The following ASH1L variants were observed in gnomAD, a reference collection of about 807,000 sequenced individuals.
ASH1L encodes ASH1 like histone lysine methyltransferase, also known as histone-lysine N-methyltransferase ASH1L.
Under a neutral mutation model 269.0 loss-of-function variants are expected in ASH1L, and 23 were observed. That is an observed-to-expected ratio of 0.09 (90% CI 0.06 to 0.12). The LOEUF (loss-of-function observed/expected upper bound fraction) is 0.12. Ranked by LOEUF, ASH1L falls within the 10% of genes least tolerant of loss-of-function variation. The pLI is 1.00. For missense variants in ASH1L, 2,912 were observed against 3,567.8 expected, an observed-to-expected ratio of 0.82 and a Z score of 4.68; for synonymous variants, 1,187 against 1,253.5, an observed-to-expected ratio of 0.95 and a Z score of 1.12.
chr1:155,562,262 C>T lies in ASH1L; in HGVS notation c.-209G>A, dbSNP rs538225945. ...TCCCTGGGTCCACGGCGGATCCCTC[C>T]CGCTTGTCAGGAGGCGGCCAGCGGG... On this transcript the variant is annotated 5_prime_UTR_variant, in exon 1 of 28. Transcript: ENST00000392403. 9.7e-5 allele frequency: 156 copies of T among 1,610,232 alleles called. 2 individuals are homozygous for T. In the South Asian group the frequency reaches 1.1e-3, roughly 11 times the overall value.
intron 10 of ASH1L, among the ~76,000 whole-genome samples, chr1:155,372,467 C>T (rs1656045568): frequency 6.6e-6 from 1 of 151,726 alleles, no homozygotes; most frequent in South Asian, 2.1e-4. Flanking sequence ...CACCACTACG[C>T]CCAGCTAATT....
At chr1:155,342,489 C>A (rs1370766014) in intron 24 of ASH1L, among the ~76,000 whole-genome samples, 1 of 152,146 alleles carries the variant, frequency 6.6e-6, no homozygotes. Context: ...AAGGAGGACT[C>A]ATCAGTATCA....
chr1:155,368,751 G>A (rs926625126), intron 12 of ASH1L, among the ~76,000 whole-genome samples: 9 of 152,144 alleles, frequency 5.9e-5, no homozygotes, highest in Non-Finnish European at 8.8e-5. Flanking sequence ...CACTGTGCCC[G>A]GCTGGAATGT....
In ASH1L at chr1:155,370,233, G is replaced by T. The variant is rs1428679631; in HGVS notation, c.6686+271C>A. The stretch of plus-strand genomic sequence containing the variant: ...CATCATCATTATTATATTTTTCTAG[G>T]ACATAGATCCTGAAACTACTTGCAT... On this transcript the variant is annotated intron_variant, in intron 12 of 27. Transcript: ENST00000392403. 1.1e-5 allele frequency: 5 copies of T among 458,612 alleles called. No homozygotes were observed. In the Admixed American group the frequency reaches 1.7e-4, roughly 16 times the overall value. The allele number at this position is 458,612 out of a possible 1,614,324, so 28.4% of individuals were successfully genotyped here.
At chr1:155,489,584 C>A (rs999524864) in intron 2 of ASH1L, among the ~76,000 whole-genome samples, 1 of 151,710 alleles carries the variant, frequency 6.6e-6, no homozygotes, top group African/African-American at 2.4e-5. Context: ...CAGTGAAACC[C>A]CGTCTTTACG....
intron 1 of ASH1L, among the ~76,000 whole-genome samples, chr1:155,558,145 T>C (rs541887220): frequency 2.4e-4 from 36 of 152,158 alleles, no homozygotes; most frequent in Non-Finnish European, 4.3e-4. Flanking sequence ...GAATTGCTAA[T>C]ACTATAAAGA....
intron 3 of ASH1L, among the ~76,000 whole-genome samples, chr1:155,461,783 A>C (rs2148677380): frequency 6.6e-6 from 1 of 151,402 alleles, no homozygotes; most frequent in South Asian, 2.1e-4. Context: ...TTAAGTACTA[A>C]GAAAAGAGGG....
At chr1:155,467,961 A>G (rs568281349) in intron 3 of ASH1L, among the ~76,000 whole-genome samples, 6 of 152,304 alleles carry the variant, frequency 3.9e-5, no homozygotes, top group Admixed American at 6.5e-5. Context: ...AACATCTTAC[A>G]TAACTACAGT....
Position 155,336,739 on chromosome 1 carries a change from T to A in ASH1L, c.*921A>T, listed in dbSNP as rs1179501359. The A allele has an allele frequency of 3.9e-5, 6 of 152,342 alleles. No individual in the cohort carries two copies. Among genetic ancestry groups the A allele is most frequent in the African/African-American group, 7.2e-5 (3 of 41,442 alleles). The allele number at this position is 152,342 out of a possible 1,614,324, so 9.4% of individuals were successfully genotyped here. Reference sequence around the variant, plus strand: ...GATAATCTATACTCACAACAAATACTCTGATAGGTGAATACTGCTGAACAG... The same window carrying A: ...GATAATCTATACTCACAACAAATACACTGATAGGTGAATACTGCTGAACAG... On this transcript the variant is annotated 3_prime_UTR_variant, in exon 28 of 28. Transcript: ENST00000392403.
chr1:155,444,572 C>A (rs889370017), intron 4 of ASH1L, among the ~76,000 whole-genome samples: 1 of 151,986 alleles, frequency 6.6e-6, no homozygotes, highest in African/African-American at 2.4e-5. Context: ...TTATTGGGTT[C>A]TTTTATTTTT....
intron 5 of ASH1L, among the ~76,000 whole-genome samples, chr1:155,417,688 GT>G (rs1490162687): frequency 6.6e-6 from 1 of 152,206 alleles, no homozygotes; most frequent in African/African-American, 2.4e-5. Context: ...GTGGGGCGCA[GT>G]GGCTCACGCC....
At chr1:155,390,641 C>G (rs924100901) in intron 7 of ASH1L, among the ~76,000 whole-genome samples, 21 of 137,952 alleles carry the variant, frequency 1.5e-4, no homozygotes, top group South Asian at 8.3e-4. Flanking sequence ...CTCCCCCCCC[C>G]CCCTTTTTTC....
Position 155,343,053 on chromosome 1 carries a change from A to T in ASH1L, c.8293+261T>A. The stretch of plus-strand genomic sequence containing the variant: ...TTGAGGCAGGGTTTCATTCTGTTGC[A>T]CAGGTTGGAGTGCAGTGGTGCGATC... On this transcript the variant is annotated intron_variant, in intron 24 of 27. Coordinates refer to ENST00000392403, the MANE Select transcript of ASH1L (RefSeq NM_018489.3). This position sits in a 1 kb window ranked among gnomAD's most constrained non-coding sequence, Gnocchi z 6.1. The T allele has an allele frequency of 3.2e-6, 1 of 315,116 alleles. No homozygotes were observed. The highest frequency in any genetic ancestry group is 8.0e-5 in the South Asian group (1 of 12,534). 19.5% of individuals were successfully genotyped at this position (315,116 alleles called of 1,614,324 possible).
chr1:155,410,448 T>C (rs1250170259), intron 6 of ASH1L, among the ~76,000 whole-genome samples: 1 of 151,964 alleles, frequency 6.6e-6, no homozygotes, highest in Non-Finnish European at 1.5e-5. Context: ...GGATTACAGG[T>C]GCCTGCCACT....
chr1:155,405,008 C>G (rs1571120399), intron 6 of ASH1L, among the ~76,000 whole-genome samples: 1 of 151,014 alleles, frequency 6.6e-6, no homozygotes, highest in African/African-American at 2.4e-5. Context: ...AGCCTGGTGA[C>G]AGAGTGAGAC....
In ASH1L at chr1:155,479,623, A is replaced by T. The variant is rs1260201163; in HGVS notation, c.3247T>A (p.Ser1083Thr). 1 of 1,614,218 alleles carries T rather than the reference A, an allele frequency of 6.2e-7. No homozygotes were observed. Among genetic ancestry groups the T allele is most frequent in the Non-Finnish European group, 8.5e-7 (1 of 1,180,034 alleles). ...GGGGGAAGAATCTGTCCTAATGCTG[A>T]CCCAGCTGCCTGTTGAGCTGTTTGC... The part of the protein sequence containing the change: ...LEQTAQQAAG[S>T]ALGQILPPLL... The change falls in exon 3 of 28, where the codon TCA (serine) becomes ACA (threonine). Residue 1083 changes from serine (S) to threonine (T), a missense_variant. Physicochemically the swap from Ser to Thr is moderately conservative, Grantham distance 58. Around this residue, in one of 13 missense-constraint regions of ASH1L, gnomAD observed 157 missense variants for 154.6 expected, o/e 1.02. Coordinates refer to ENST00000392403, the MANE Select transcript of ASH1L (RefSeq NM_018489.3).
intron 4 of ASH1L, among the ~76,000 whole-genome samples, chr1:155,446,130 T>G (rs1162398713): frequency 6.6e-6 from 1 of 150,610 alleles, no homozygotes; most frequent in Admixed American, 6.6e-5. Flanking sequence ...ATGATCCATC[T>G]GCCTCGGCCT....
At chr1:155,401,636 A>G (rs967377629) in intron 6 of ASH1L, among the ~76,000 whole-genome samples, 24 of 151,504 alleles carry the variant, frequency 1.6e-4, no homozygotes, top group African/African-American at 5.8e-4. Flanking sequence ...AAAATACAAA[A>G]AATTAGCCGG....
intron 1 of ASH1L, among the ~76,000 whole-genome samples, chr1:155,535,344 C>T (rs1157072458): frequency 2.0e-5 from 3 of 152,016 alleles, no homozygotes; most frequent in Admixed American, 6.6e-5. Context: ...ATTCTCTCAC[C>T]TCAGCCTCCC....
Sources: allele counts gnomAD v4.1 joint callset (sites outside exome capture counted in the v4.1 genomes callset), GRCh38; gene constraint gnomAD v4.1.1; regional missense constraint gnomAD v4.1.1; non-coding constraint Gnocchi (gnomAD v3.1); transcripts MANE v1.5; gene names NCBI Gene and HGNC (gene_info 2026-07-23, HGNC 2026-07-21).